RBFOX1: variants seen among roughly 807,000 people sequenced by gnomAD.
The protein encoded by RBFOX1 is RNA binding fox-1 homolog 1, also known as RNA binding protein fox-1 homolog 1.
RBFOX1 carries 8 observed loss-of-function variants against 57.7 expected under a neutral mutation model. The ratio of observed to expected loss-of-function variants is 0.14; its 90% CI spans 0.08 to 0.25. The LOEUF is 0.25. Among genes scored for constraint, RBFOX1 ranks in the 10% least tolerant of loss-of-function variants. The pLI, the probability that RBFOX1 is intolerant of heterozygous loss-of-function variation, is 1.00. For missense variants in RBFOX1, 611 were observed against 548.5 expected (o/e 1.11, Z -1.14); for synonymous variants, 326 against 222.4 (o/e 1.47, Z -4.15).
At chr16:7,220,078 G>T (rs564063401) in intron 4 of RBFOX1, among the ~76,000 whole-genome samples, 1 of 152,272 alleles carries the variant, frequency 6.6e-6, no homozygotes, top group East Asian at 1.9e-4. Flanking sequence ...ACCTTAGAGA[G>T]ATCAATTGTG....
chr16:7,263,922 A>G, intron 4 of RBFOX1, among the ~76,000 whole-genome samples: 2 of 81,116 alleles, frequency 2.5e-5, no homozygotes, highest in Admixed American at 2.4e-4. Flanking sequence ...ATATAAATTA[A>G]AAAAAAAAAA....
intron 4 of RBFOX1, among the ~76,000 whole-genome samples, chr16:7,101,731 A>T (rs1046405971): frequency 6.6e-6 from 1 of 152,082 alleles, no homozygotes; most frequent in East Asian, 1.9e-4. Context: ...TTGCCGCAGA[A>T]GACAAGTACA....
chr16:6,882,490 A>G (rs2063152050), intron 3 of RBFOX1, among the ~76,000 whole-genome samples: 1 of 152,076 alleles, frequency 6.6e-6, no homozygotes, highest in South Asian at 2.1e-4. Context: ...GCTACTCCGG[A>G]GGGTGAGGCA....
chr16:6,057,553 T>C (rs8062118), intron 1 of RBFOX1, among the ~76,000 whole-genome samples: 23,066 of 151,344 alleles, frequency 0.15, 2,122 homozygotes, highest in East Asian at 0.28. Flanking sequence ...TGCCAACAAA[T>C]GGGGACAGAC....
At chr16:7,685,284 T>C (rs774477558) in intron 14 of RBFOX1, among the ~76,000 whole-genome samples, 37 of 152,148 alleles carry the variant, frequency 2.4e-4, no homozygotes, top group Non-Finnish European at 4.7e-4. Context: ...TGACTTTTAT[T>C]ACCATTGCCT....
At chr16:5,792,276 C>A (rs750413065) in intron 3 of RBFOX1, among the ~76,000 whole-genome samples, 2 of 152,156 alleles carry the variant, frequency 1.3e-5, no homozygotes, top group African/African-American at 2.4e-5. Context: ...CCTCTGTAAT[C>A]CCTTTCTAAG....
In RBFOX1 at chr16:5,778,663, G is replaced by C. The variant is rs150081472; in HGVS notation, c.319-88640G>C. On this transcript the variant is annotated intron_variant, in intron 3 of 19. Transcript: ENST00000641259. ...CGTTGATTGCATCTGTCCACAGCCA[G>C]GTGTCCTGTGCGTGGCCATCTCATA... Among the ~76,000 whole-genome samples the C allele has an allele frequency of 8.6e-4, 131 of 152,274 alleles. 2 individuals are homozygous for C. Among genetic ancestry groups the C allele is most frequent in the African/African-American group, 2.9e-3 (122 of 41,558 alleles).
At chr16:5,322,705 T>C (rs2064446585) in intron 1 of RBFOX1, among the ~76,000 whole-genome samples, 1 of 152,204 alleles carries the variant, frequency 6.6e-6, no homozygotes, top group South Asian at 2.1e-4. Flanking sequence ...AGTAATCTCC[T>C]TATGAGTCAT....
At chr16:7,518,674 A>G (rs550975963) in intron 5 of RBFOX1, among the ~76,000 whole-genome samples, 8 of 152,192 alleles carry the variant, frequency 5.3e-5, no homozygotes, top group African/African-American at 1.9e-4. Flanking sequence ...ATGTCATCCC[A>G]ATGAAATCTC....
chr16:7,589,912 G>GGTGTGTGTGTGTGTGTGTGTGTGT (rs3029164), intron 7 of RBFOX1, among the ~76,000 whole-genome samples: 3 of 134,946 alleles, frequency 2.2e-5, no homozygotes, highest in Non-Finnish European at 4.7e-5. Context: ...GTGTGTGCTG[G>GGTGTGTGTGTGTGTGTGTGTGTGT]GTGTGTGTGT....
At chr16:7,244,541 C>T (rs192838095) in intron 4 of RBFOX1, among the ~76,000 whole-genome samples, 144 of 152,276 alleles carry the variant, frequency 9.5e-4, no homozygotes, top group African/African-American at 3.2e-3. Context: ...TCAGAGCCAG[C>T]GGTGGCTCTC....
chr16:7,624,820 T>C (rs1478229019), intron 10 of RBFOX1, among the ~76,000 whole-genome samples: 1 of 152,152 alleles, frequency 6.6e-6, no homozygotes, highest in Non-Finnish European at 1.5e-5. Context: ...AGTAGAGGTT[T>C]GTTGAGGTGA....
chr16:5,962,513 C>T (rs141404368), intron 4 of RBFOX1, among the ~76,000 whole-genome samples: 124 of 152,290 alleles, frequency 8.1e-4, no homozygotes, highest in African/African-American at 2.8e-3. Context: ...ACATCATCCT[C>T]TCTGGCCTAA....
At chr16:7,649,234 T>A (rs989857861) in intron 11 of RBFOX1, among the ~76,000 whole-genome samples, 9 of 152,104 alleles carry the variant, frequency 5.9e-5, no homozygotes, top group Admixed American at 4.6e-4. Flanking sequence ...AATAAGATCA[T>A]GGGGAAATGT....
At chr16:6,895,217 A>T (rs2066467512) in intron 3 of RBFOX1, among the ~76,000 whole-genome samples, 1 of 152,072 alleles carries the variant, frequency 6.6e-6, no homozygotes, top group East Asian at 1.9e-4. Flanking sequence ...GAACAAGTCC[A>T]AACCTCAGAG....
At chr16:5,828,605 A>C (rs1683846566) in intron 3 of RBFOX1, among the ~76,000 whole-genome samples, 1 of 152,174 alleles carries the variant, frequency 6.6e-6, no homozygotes, top group Non-Finnish European at 1.5e-5. Context: ...AGGCCGAGGC[A>C]GGAGGATCGG....
chr16:7,063,021 G>T (rs2054962869), intron 4 of RBFOX1, among the ~76,000 whole-genome samples: 1 of 145,802 alleles, frequency 6.9e-6, no homozygotes, highest in Non-Finnish European at 1.5e-5. Context: ...GAACTGCAGA[G>T]CCAAGAGTTT....
At chr16:5,629,364 C>T (rs1233409699) in intron 3 of RBFOX1, among the ~76,000 whole-genome samples, 1 of 152,180 alleles carries the variant, frequency 6.6e-6, no homozygotes, top group East Asian at 1.9e-4. Context: ...CAGCTATAAA[C>T]CCACACAGCT....
chr16:5,793,936 C>G (rs2054790949), intron 3 of RBFOX1, among the ~76,000 whole-genome samples: 1 of 152,186 alleles, frequency 6.6e-6, no homozygotes, highest in South Asian at 2.1e-4. Flanking sequence ...TTTAAGCTCT[C>G]TGTGCTTCAT....
Sources: allele counts gnomAD v4.1 joint callset (sites outside exome capture counted in the v4.1 genomes callset), GRCh38; gene constraint gnomAD v4.1.1; transcripts MANE v1.5; gene names NCBI Gene and HGNC (gene_info 2026-07-23, HGNC 2026-07-21).